Variants in PRKCA observed in about 807,000 individuals in gnomAD.
The protein encoded by PRKCA is protein kinase C alpha.
In PRKCA, 27 loss-of-function variants were observed where a neutral mutation model predicts 87.0. The observed-to-expected ratio is 0.31, with a 90% confidence interval of 0.23 to 0.43. PRKCA has a LOEUF of 0.43. PRKCA is among the 20% of genes least tolerant of loss of function. The pLI is 1.00. For missense variants in PRKCA, 518 were observed against 852.3 expected (o/e 0.61, Z 4.88); for synonymous variants, 329 against 311.1 (o/e 1.06, Z -0.61).
intron 4 of PRKCA, among the ~76,000 whole-genome samples, chr17:66,644,356 A>G (rs1243099915): frequency 6.6e-6 from 1 of 152,240 alleles, no homozygotes; most frequent in Non-Finnish European, 1.5e-5. Context: ...TGATGATTAC[A>G]GAATAACCTT....
chr17:66,669,102 TAA>T (rs35465763), intron 5 of PRKCA, among the ~76,000 whole-genome samples: 35 of 146,924 alleles, frequency 2.4e-4, no homozygotes, highest in Non-Finnish European at 2.4e-4. Context: ...ACCCTCTCTT[TAA>T]AAAAAAAAAA....
chr17:66,548,927 C>T (rs1314918822), intron 3 of PRKCA, among the ~76,000 whole-genome samples: 1 of 152,026 alleles, frequency 6.6e-6, no homozygotes, highest in Non-Finnish European at 1.5e-5. Flanking sequence ...CCTGCCTCAG[C>T]CTCCTGAGTA....
intron 2 of PRKCA, among the ~76,000 whole-genome samples, chr17:66,390,052 C>T (rs370304347): frequency 2.0e-5 from 3 of 152,084 alleles, no homozygotes; most frequent in Non-Finnish European, 2.9e-5. Context: ...GGTGAAACCC[C>T]GTCTCTACTA....
At chr17:66,739,102 G>A (rs1034151227) in intron 11 of PRKCA, among the ~76,000 whole-genome samples, 2 of 152,060 alleles carry the variant, frequency 1.3e-5, no homozygotes, top group Admixed American at 6.6e-5. Flanking sequence ...GGCTGGTCCC[G>A]AACTCCTGAG....
chr17:66,465,261 G>A (rs910180952), intron 2 of PRKCA, among the ~76,000 whole-genome samples: 1 of 152,114 alleles, frequency 6.6e-6, no homozygotes, highest in Non-Finnish European at 1.5e-5. Flanking sequence ...AACGAGATTT[G>A]TTTTGTGGGA....
At chr17:66,640,886 T>C in intron 3 of PRKCA, 1 of 427,014 alleles carries the variant, frequency 2.3e-6, no homozygotes, top group South Asian at 1.7e-5. Context: ...GCGGGCCAGG[T>C]GTGGTGGTTC....
chr17:66,788,453 C>T (rs981466919), intron 15 of PRKCA, among the ~76,000 whole-genome samples: 1 of 152,002 alleles, frequency 6.6e-6, no homozygotes, highest in Admixed American at 6.6e-5. Flanking sequence ...CTCTGTGATG[C>T]TAGACTGTGA....
chr17:66,709,942 T>C (rs989653644), intron 8 of PRKCA, among the ~76,000 whole-genome samples: 1 of 152,156 alleles, frequency 6.6e-6, no homozygotes, highest in Admixed American at 6.5e-5. Context: ...AATCTGTATA[T>C]AACATTACTG....
At chr17:66,584,715 A>G (rs1171344358) in intron 3 of PRKCA, among the ~76,000 whole-genome samples, 9 of 151,976 alleles carry the variant, frequency 5.9e-5, no homozygotes, top group African/African-American at 2.2e-4. Flanking sequence ...TTCTCTGCCA[A>G]TGTCTTCACA....
intron 13 of PRKCA, among the ~76,000 whole-genome samples, chr17:66,770,878 G>A (rs558489223): frequency 3.3e-5 from 5 of 152,314 alleles, no homozygotes; most frequent in Non-Finnish European, 1.5e-5. Flanking sequence ...TGGCTTAGAT[G>A]AAGATGCACG....
At chr17:66,425,831 T>C (rs1454579451) in intron 2 of PRKCA, among the ~76,000 whole-genome samples, 1 of 152,072 alleles carries the variant, frequency 6.6e-6, no homozygotes, top group African/African-American at 2.4e-5. Context: ...GCAGGAATGG[T>C]GTTAAAAGGA....
intron 16 of PRKCA, chr17:66,796,765 C>T (rs112656231): frequency 0.014 from 14,263 of 985,368 alleles, 109 homozygotes; most frequent in Non-Finnish European, 0.016. Context: ...AACCACAAGT[C>T]AGAGAGCTGT....
chr17:66,596,286 G>A lies in PRKCA; in HGVS notation c.289-45069G>A, dbSNP rs532105456. On this transcript the variant is annotated intron_variant, in intron 3 of 16. Coordinates refer to ENST00000413366, the MANE Select transcript of PRKCA (RefSeq NM_002737.3). ...GTTCCTTGGAGCCCAATAAAAGCAAGATAAGAAAAAGCAAGCAAGAACAGG... is the reference window on the plus strand; with the variant it reads ...GTTCCTTGGAGCCCAATAAAAGCAAAATAAGAAAAAGCAAGCAAGAACAGG... Among the ~76,000 whole-genome samples, 4 of 152,154 alleles carry A rather than the reference G, an allele frequency of 2.6e-5. No individual in the cohort carries two copies. The East Asian group carries it at 7.7e-4, about 29-fold the overall frequency.
intron 2 of PRKCA, among the ~76,000 whole-genome samples, chr17:66,469,080 C>T (rs1349269803): frequency 6.6e-6 from 1 of 152,170 alleles, no homozygotes; most frequent in Non-Finnish European, 1.5e-5. Flanking sequence ...TGCCTTATTC[C>T]CTCGAAATGC....
chr17:66,470,752 C>T (rs887927306), intron 2 of PRKCA, among the ~76,000 whole-genome samples: 1 of 152,150 alleles, frequency 6.6e-6, no homozygotes, highest in Non-Finnish European at 1.5e-5. Flanking sequence ...GGGGGACGAG[C>T]AGAGGCAATG....
rs183040750 is a variant in PRKCA, at chr17:66,332,464, G to A, written c.205+26337G>A. ...GGTGGTCTTGAACTCCTGACGTCAG[G>A]TGATCCCCCTGCGTCAGCCTCCCAA... On this transcript the variant is annotated intron_variant, in intron 2 of 16. Coordinates refer to ENST00000413366, the MANE Select transcript of PRKCA (RefSeq NM_002737.3). Among the ~76,000 whole-genome samples the A allele has an allele frequency of 2.0e-5, 3 of 152,006 alleles. No individual in the cohort carries two copies. In the East Asian group the frequency reaches 5.8e-4, roughly 30 times the overall value.
rs561138040 is a variant in PRKCA, at chr17:66,803,174, C to G, written c.1855-699C>G. ...GACAGCAGGCCTCTCCCTGCCTCCC[C>G]AGGGCGCCATGCAAACATCCTCCAG... On this transcript the variant is annotated intron_variant, in intron 16 of 16. Transcript: ENST00000413366. This position sits in a 1 kb window ranked among gnomAD's most constrained non-coding sequence, Gnocchi z 4.4. Among the ~76,000 whole-genome samples, 5 of 152,300 alleles carry G rather than the reference C, an allele frequency of 3.3e-5. No homozygotes were observed. In the South Asian group the frequency reaches 1.0e-3, roughly 32 times the overall value.
chr17:66,382,946 C>A (rs1909844609), intron 2 of PRKCA, among the ~76,000 whole-genome samples: 1 of 126,100 alleles, frequency 7.9e-6, no homozygotes, highest in African/African-American at 3.2e-5. Flanking sequence ...ATAATCCCAC[C>A]CCTAATTGCG....
intron 3 of PRKCA, among the ~76,000 whole-genome samples, chr17:66,622,111 C>G (rs1220964260): frequency 1.3e-5 from 2 of 152,094 alleles, no homozygotes; most frequent in Non-Finnish European, 2.9e-5. Context: ...ATTGCTTGAG[C>G]CCAGGAGTTC....
Sources: allele counts gnomAD v4.1 joint callset (sites outside exome capture counted in the v4.1 genomes callset), GRCh38; gene constraint gnomAD v4.1.1; non-coding constraint Gnocchi (gnomAD v3.1); transcripts MANE v1.5; gene names NCBI Gene and HGNC (gene_info 2026-07-23, HGNC 2026-07-21).